The following HMOX1 variants were observed in gnomAD, a reference collection of about 807,000 sequenced individuals.
The protein encoded by HMOX1 is heat shock protein, 32-kD.
In HMOX1, 22 loss-of-function variants were observed where a neutral mutation model predicts 27.8. That is an observed-to-expected ratio of 0.79 (90% CI 0.57 to 1.13). HMOX1 has a LOEUF of 1.13. HMOX1 is among the 50% of genes most tolerant of loss of function. The pLI is 0.00. For missense variants in HMOX1, 379 were observed against 377.7 expected (o/e 1.00, Z -0.03); for synonymous variants, 153 against 151.6 (o/e 1.01, Z -0.07).
At position 35,393,519 on chromosome 22, in the gene HMOX1, C is replaced by T. The variant is rs1931778664; in HGVS notation, c.788C>T (p.Ser263Phe). The change falls in exon 5 of 5, where the codon TCC becomes TTC. Residue 263 changes from serine (S) to phenylalanine (F), a missense_variant. Physicochemically the swap from Ser to Phe is radical, Grantham distance 155. Coordinates refer to ENST00000216117, the MANE Select transcript of HMOX1 (RefSeq NM_002133.3). ...GGGAAGCCCCCACTCAACACCCGCT[C>T]CCAGGCTCCGCTTCTCCGATGGGTC... Reference protein sequence around the residue: ...PRGKPPLNTRSQAPLLRWVLT... With the variant: ...PRGKPPLNTRFQAPLLRWVLT... 6.2e-7 allele frequency: 1 copy of T among 1,614,234 alleles called. No homozygotes were observed.
At position 35,381,380 on chromosome 22, in the gene HMOX1, C is replaced by A. The variant is rs957824349; in HGVS notation, c.23+184C>A. On this transcript the variant is annotated intron_variant, in intron 1 of 4. Coordinates refer to ENST00000216117, the MANE Select transcript of HMOX1 (RefSeq NM_002133.3). ...CCCGTAGGGTAGTTGGAGGGAGGAA[C>A]GGTAATTTACATGCCTGGCACCCTG... is the stretch of plus-strand genomic sequence containing the variant. 17 of 670,152 alleles carry A rather than the reference C, an allele frequency of 2.5e-5. No individual in the cohort carries two copies. The African/African-American group carries it at 2.7e-4, about 11-fold the overall frequency. The allele number at this position is 670,152 out of a possible 1,614,324, so 41.5% of individuals were successfully genotyped here.
chr22:35,383,440 G>A (rs1438501109), intron 2 of HMOX1, among the ~76,000 whole-genome samples: 1 of 152,192 alleles, frequency 6.6e-6, no homozygotes, highest in African/African-American at 2.4e-5. Context: ...TGTTGTGGAG[G>A]GGCTGGGGCA....
chr22:35,389,113 G>A lies in HMOX1; in HGVS notation c.637-751G>A, dbSNP rs181086292. Among the ~76,000 whole-genome samples, 491 of 152,222 alleles carry A rather than the reference G, an allele frequency of 3.2e-3. 2 individuals are homozygous for A. Among genetic ancestry groups the A allele is most frequent in the African/African-American group, 0.011 (475 of 41,500 alleles). On this transcript the variant is annotated intron_variant, in intron 3 of 4. Transcript: ENST00000216117. The stretch of plus-strand genomic sequence containing the variant: ...AATCCAGGATCATTGTTATCGGTTG[G>A]GAGGGCAAGAGCAGGCAGGGGAGCC...
rs1183496131 is a variant in HMOX1 at position 35,393,751 on chromosome 22, A to G, written c.*153A>G. 1 of 938,858 alleles carries G rather than the reference A, an allele frequency of 1.1e-6. No individual in the cohort carries two copies. The highest frequency in any genetic ancestry group is 1.6e-5 in the African/African-American group (1 of 61,712). 58.2% of individuals were successfully genotyped at this position (938,858 alleles called of 1,614,324 possible). On this transcript the variant is annotated 3_prime_UTR_variant, in exon 5 of 5. Transcript: ENST00000216117. ...CACTGTGTCCCTCTCTCTGGAAAGG[A>G]GGAAGGAGCCTATGGCATCTTCCCC...
At chr22:35,387,265 T>A in intron 3 of HMOX1, 89 bp downstream of exon 3, 5 of 1,522,444 alleles carry the variant, frequency 3.3e-6, no homozygotes, top group Non-Finnish European at 4.5e-6. Flanking sequence ...GTGCTATAGG[T>A]CATGGTTAAC....
Position 35,393,680 on chromosome 22 carries a change from C to A in HMOX1, c.*82C>A, listed in dbSNP as rs1931786308. On this transcript the variant is annotated 3_prime_UTR_variant, in exon 5 of 5. Coordinates refer to ENST00000216117, the MANE Select transcript of HMOX1 (RefSeq NM_002133.3). ...CTAGAGAGGGAATTCTCTTGGCTGG[C>A]TTCCTTACCGTGGGCACTGAAGGCT... 2 of 1,573,290 alleles carry A rather than the reference C, an allele frequency of 1.3e-6. No homozygotes were observed. Among genetic ancestry groups the A allele is most frequent in the Non-Finnish European group, 1.7e-6 (2 of 1,144,232 alleles).
rs1438904518 is a variant in HMOX1, at chr22:35,383,106, C to G, written c.24C>G (p.Ser8Arg). 6.2e-7 allele frequency: 1 copy of G among 1,613,382 alleles called. No individual in the cohort carries two copies. Among genetic ancestry groups the G allele is most frequent in the African/African-American group, 1.3e-5 (1 of 74,936 alleles). MERPQPD[S>R]MPQDLSEALK... ...TTCACCTTTCCCATTTCCTCCTCAG[C>G]ATGCCCCAGGATTTGTCAGAGGCCC... Residue 8 changes from serine to arginine, a missense_variant and splice_region_variant, in exon 2 of 5, where the codon AGC (serine) becomes AGG (arginine). Physicochemically the swap from Ser to Arg is moderately radical, Grantham distance 110 (BLOSUM62 -1). Transcript: ENST00000216117.
At chr22:35,382,414 C>A (rs1050263844) in intron 1 of HMOX1, among the ~76,000 whole-genome samples, 7 of 151,264 alleles carry the variant, frequency 4.6e-5, no homozygotes, top group African/African-American at 1.7e-4. Flanking sequence ...TGCAGTGGCG[C>A]GATCTCGGCT....
chr22:35,389,308 TTTCTTTCTTTC>T lies in HMOX1; in HGVS notation c.637-542_637-532del, dbSNP rs1195135194. 4.3e-5 allele frequency among the ~76,000 whole-genome samples: 5 copies of T among 116,390 alleles called. 1 individual carries two copies. The highest frequency in any genetic ancestry group is 8.6e-5 in the Non-Finnish European group (5 of 58,324). 76.4% of individuals were successfully genotyped at this position (116,390 alleles called of 152,430 possible). A position where few individuals can be genotyped will look rare whatever the true frequency, so the allele number is the denominator to read the frequency against. The stretch of plus-strand genomic sequence containing the variant: ...CTCTCTCTTCTTTCTTCTTTCTTTC[TTTCTTTCTTTC>T]TTCTTTCTTTCTTTCTTTCTTCTCC... On this transcript the variant is annotated intron_variant, in intron 3 of 4. Transcript: ENST00000216117.
intron 2 of HMOX1, 43 bp from the exon 3 acceptor site, chr22:35,386,642 C>T (rs758181581): frequency 9.3e-6 from 15 of 1,613,566 alleles, no homozygotes; most frequent in Non-Finnish European, 1.3e-5. Context: ...AGGTGGGGGT[C>T]TTCTATGTGG....
chr22:35,389,215 CTCT>C lies in HMOX1; in HGVS notation c.637-647_637-645del, dbSNP rs1279220019. On this transcript the variant is annotated intron_variant, in intron 3 of 4. Transcript: ENST00000216117. Reference sequence around the variant, plus strand: ...TTTCTTTCTTTCTTTCTTTCTTTCTCTCTTTCTTTCTTTCTTTCTTTCTTTTTC... The same window carrying C: ...TTTCTTTCTTTCTTTCTTTCTTTCTCTTCTTTCTTTCTTTCTTTCTTTTTC... Among the ~76,000 whole-genome samples the C allele has an allele frequency of 8.0e-5, 9 of 112,182 alleles. 1 individual carries two copies. The East Asian group carries it at 2.0e-3, about 24-fold the overall frequency. The allele number at this position is 112,182 out of a possible 152,430, so 73.6% of individuals were successfully genotyped here. A position where few individuals can be genotyped will look rare whatever the true frequency, so the allele number is the denominator to read the frequency against.
intron 2 of HMOX1, among the ~76,000 whole-genome samples, chr22:35,385,370 T>C (rs1206381794): frequency 3.3e-5 from 5 of 152,032 alleles, no homozygotes; most frequent in Admixed American, 2.0e-4. Context: ...CCTCCATGTC[T>C]CATACCCTCT....
chr22:35,383,023 T>G, intron 1 of HMOX1, 83 bp from the exon 2 acceptor site: 1 of 1,576,868 alleles, frequency 6.3e-7, no homozygotes, highest in East Asian at 2.3e-5. Context: ...CTTGAAGGCC[T>G]GCCCACAGGT....
chr22:35,389,270 CT>C (rs1208919444), intron 3 of HMOX1, among the ~76,000 whole-genome samples: 18 of 119,576 alleles, frequency 1.5e-4, no homozygotes, highest in Middle Eastern at 3.8e-3. Flanking sequence ...CTCTCTCTCT[CT>C]CTCCTCTCTC....
intron 1 of HMOX1, among the ~76,000 whole-genome samples, chr22:35,382,190 C>T (rs770528068): frequency 1.3e-5 from 2 of 152,168 alleles, no homozygotes; most frequent in Non-Finnish European, 2.9e-5. Context: ...TGTACCTCCT[C>T]CTCCTCTCCA....
intron 4 of HMOX1, 42 bp downstream of exon 4, chr22:35,390,005 T>C (rs1287750678): frequency 1.6e-6 from 2 of 1,289,214 alleles, no homozygotes; most frequent in Admixed American, 1.9e-5. Flanking sequence ...GGGCTACACA[T>C]GGAGGGACTT....
intron 4 of HMOX1, chr22:35,390,233 T>C (rs2269534): frequency 0.33 from 151,760 of 461,170 alleles, 25,413 homozygotes; most frequent in East Asian, 0.46. Flanking sequence ...CCTGAATGTT[T>C]GTTGTTGTTG....
intron 3 of HMOX1, 103 bp downstream of exon 3, chr22:35,387,279 G>T: frequency 7.1e-7 from 1 of 1,403,580 alleles, no homozygotes; most frequent in South Asian, 1.2e-5. Context: ...GGTTAACACA[G>T]GGAACCAGAG....
rs749101755 is a variant in HMOX1 at position 35,389,895 on chromosome 22, A to C, written c.668A>C (p.His223Pro). The change falls in exon 4 of 5, where the codon CAT becomes CCT. Residue 223 changes from histidine (H) to proline (P), a missense_variant. Transcript: ENST00000216117. The stretch of plus-strand genomic sequence containing the variant: ...GAGGAGTTGCAGGAGCTGCTGACCC[A>C]TGACACCAAGGACCAGAGCCCCTCA... Reference protein sequence around the residue: ...LFEELQELLTHDTKDQSPSRA... With the variant: ...LFEELQELLTPDTKDQSPSRA... 1.9e-6 allele frequency: 3 copies of C among 1,611,764 alleles called. No homozygotes were observed. Among genetic ancestry groups the C allele is most frequent in the Non-Finnish European group, 2.5e-6 (3 of 1,179,640 alleles).
Sources: gnomAD v4.1 joint callset for allele counts (sites outside exome capture counted in the v4.1 genomes callset) on GRCh38, gnomAD v4.1.1 for gene constraint, MANE v1.5 for transcripts, NCBI Gene and HGNC (gene_info 2026-07-23, HGNC 2026-07-21) for gene names.